DAB1: variants seen among roughly 807,000 people sequenced by gnomAD.
DAB1 encodes disabled homolog 1.
DAB1 carries 15 observed loss-of-function variants against 64.6 expected under a neutral mutation model. The observed-to-expected ratio is 0.23, with a 90% CI of 0.16 to 0.36. The LOEUF is 0.36. Among genes scored for constraint, DAB1 ranks in the 10% least tolerant of loss-of-function variants. DAB1 has a pLI of 1.00. For missense variants in DAB1, 596 were observed against 706.7 expected (o/e 0.84, Z 1.78); for synonymous variants, 235 against 251.9 (o/e 0.93, Z 0.64).
chr1:58,536,208 C>T (rs1039518872), intron 1 of DAB1, among the ~76,000 whole-genome samples: 2 of 152,084 alleles, frequency 1.3e-5, no homozygotes, highest in African/African-American at 4.8e-5. Flanking sequence ...ATGAAGGATA[C>T]CTCCTAGGGC....
chr1:58,306,570 C>T (rs7527595), intron 4 of DAB1, among the ~76,000 whole-genome samples: 21,460 of 152,030 alleles, frequency 0.14, 1,707 homozygotes, highest in South Asian at 0.28. Context: ...ATTCCTCTGC[C>T]GCAGGGTTTC....
At chr1:58,533,184 G>A (rs1250420055) in intron 1 of DAB1, among the ~76,000 whole-genome samples, 5 of 152,152 alleles carry the variant, frequency 3.3e-5, no homozygotes, top group African/African-American at 4.8e-5. Flanking sequence ...AAGATGAACA[G>A]ACATGTATTC....
chr1:57,744,625 T>C (rs1648174378), intron 6 of DAB1, among the ~76,000 whole-genome samples: 1 of 152,146 alleles, frequency 6.6e-6, no homozygotes, highest in South Asian at 2.1e-4. Context: ...GGGGTCTGGA[T>C]TCCGATGTCT....
At position 57,145,286 on chromosome 1, in the gene DAB1, G is replaced by A; in HGVS notation, c.207+4C>T. On this transcript the variant is annotated splice_donor_region_variant and intron_variant, in intron 3 of 14. Coordinates refer to ENST00000371236, the MANE Select transcript of DAB1 (RefSeq NM_001365792.1). ...GTATTGAAAAGAAAACGTTTGCATA[G>A]CACCTTGAGTTTCATCATGGAATCT... The A allele has an allele frequency of 6.2e-7, 1 of 1,613,804 alleles. No homozygotes were observed. The highest frequency in any genetic ancestry group is 8.5e-7 in the Non-Finnish European group (1 of 1,179,778).
chr1:57,760,717 T>C (rs1354078440), intron 6 of DAB1, among the ~76,000 whole-genome samples: 1 of 151,972 alleles, frequency 6.6e-6, no homozygotes, highest in African/African-American at 2.4e-5. Flanking sequence ...CAATATTGAA[T>C]TGTTTTGCAG....
intron 1 of DAB1, among the ~76,000 whole-genome samples, chr1:58,530,329 C>G (rs1364084697): frequency 6.6e-6 from 1 of 152,140 alleles, no homozygotes; most frequent in Admixed American, 6.5e-5. Context: ...CTCTGTAAAA[C>G]CAATAAATAT....
At chr1:58,135,494 T>C (rs11809707) in intron 5 of DAB1, among the ~76,000 whole-genome samples, 29,713 of 152,018 alleles carry the variant, frequency 0.2, 3,099 homozygotes, top group East Asian at 0.36. Context: ...AAATTTATAA[T>C]TACATTTCAA....
At chr1:58,130,911 T>C (rs1265116865) in intron 5 of DAB1, among the ~76,000 whole-genome samples, 2 of 151,442 alleles carry the variant, frequency 1.3e-5, no homozygotes, top group Non-Finnish European at 2.9e-5. Flanking sequence ...CATTTCCACT[T>C]TGGTGAATCT....
intron 3 of DAB1, among the ~76,000 whole-genome samples, chr1:58,452,552 G>A (rs534602845): frequency 3.3e-5 from 5 of 151,320 alleles, no homozygotes; most frequent in Non-Finnish European, 7.4e-5. Context: ...GCTCACGCCT[G>A]TAATCCCAGC....
At chr1:57,092,667 C>T (rs112307988) in intron 4 of DAB1, among the ~76,000 whole-genome samples, 12 of 94,152 alleles carry the variant, frequency 1.3e-4, no homozygotes, top group East Asian at 2.9e-4. Flanking sequence ...AGTGGTCTGG[C>T]GGGGGAGGGG....
At chr1:58,121,930 A>C (rs1347359140) in intron 5 of DAB1, among the ~76,000 whole-genome samples, 1 of 152,228 alleles carries the variant, frequency 6.6e-6, no homozygotes, top group African/African-American at 2.4e-5. Context: ...AGAACTATGC[A>C]TATCCCTGAG....
intron 4 of DAB1, among the ~76,000 whole-genome samples, chr1:58,322,917 A>T (rs1226450271): frequency 6.6e-6 from 1 of 152,238 alleles, no homozygotes; most frequent in Non-Finnish European, 1.5e-5. Flanking sequence ...GCCATAAAAA[A>T]GAATGAGTTC....
At position 58,537,062 on chromosome 1, in the gene DAB1, T is replaced by TTCTCTCTCTCTC. The variant is rs150887072; in HGVS notation, n.32+9629_32+9640dup. ...TTATTACTATCTAGTACATGCAAAATTCTCTCTCTCTCTCTCTCTCTCTGT... is the reference window on the plus strand; with the variant it reads ...TTATTACTATCTAGTACATGCAAAATTCTCTCTCTCTCTCTCTCTCTCTCTCTCTCTCTCTGT... On this transcript the variant is annotated intron_variant and non_coding_transcript_variant, in intron 1 of 20. Transcript: ENST00000485760. Among the ~76,000 whole-genome samples, 35 of 145,912 alleles carry TTCTCTCTCTCTC rather than the reference T, an allele frequency of 2.4e-4. No individual in the cohort carries two copies. In the East Asian group the frequency reaches 3.6e-3, roughly 15 times the overall value.
At chr1:57,194,528 A>C (rs570293591) in intron 2 of DAB1, among the ~76,000 whole-genome samples, 1 of 152,336 alleles carries the variant, frequency 6.6e-6, no homozygotes, top group African/African-American at 2.4e-5. Flanking sequence ...GGCCAGATAA[A>C]GTTCTTCCTC....
chr1:58,323,060 G>A (rs1420587820), intron 4 of DAB1, among the ~76,000 whole-genome samples: 1 of 150,900 alleles, frequency 6.6e-6, no homozygotes, highest in South Asian at 2.1e-4. Context: ...TGGGCACAGG[G>A]CGGGGAACAT....
chr1:58,490,792 A>ATTT (rs1557438593), intron 3 of DAB1, among the ~76,000 whole-genome samples: 4 of 97,250 alleles, frequency 4.1e-5, no homozygotes, highest in African/African-American at 1.1e-4. Flanking sequence ...AATAGTCAAC[A>ATTT]TTCTTTTTTT....
chr1:57,493,486 G>A (rs72676926), intron 7 of DAB1, among the ~76,000 whole-genome samples: 2 of 152,066 alleles, frequency 1.3e-5, no homozygotes, highest in African/African-American at 2.4e-5. Context: ...TTTAAAGGCA[G>A]TATAGTATTC....
intron 5 of DAB1, among the ~76,000 whole-genome samples, chr1:58,005,033 G>C: frequency 6.6e-6 from 1 of 151,870 alleles, no homozygotes. Context: ...AGAAAACAGA[G>C]TCTTAAAAAA....
At chr1:57,975,404 A>AAAGCAAAAG (rs1645895513) in intron 5 of DAB1, among the ~76,000 whole-genome samples, 1 of 152,226 alleles carries the variant, frequency 6.6e-6, no homozygotes, top group Non-Finnish European at 1.5e-5. Flanking sequence ...TACAGATAGG[A>AAAGCAAAAG]AAGCAAAAGA....
Sources: gnomAD v4.1 joint callset for allele counts (sites outside exome capture counted in the v4.1 genomes callset) on GRCh38, gnomAD v4.1.1 for gene constraint, MANE v1.5 for transcripts, NCBI Gene and HGNC (gene_info 2026-07-23, HGNC 2026-07-21) for gene names.